EPB41L3: variants seen among roughly 807,000 people sequenced by gnomAD.
EPB41L3 encodes band 4.1-like protein 3.
EPB41L3 carries 57 observed loss-of-function variants against 127.1 expected under a neutral mutation model. The observed-to-expected ratio is 0.45, with a 90% CI of 0.36 to 0.56. EPB41L3 has a LOEUF of 0.56. Ranked by LOEUF, EPB41L3 falls within the 20% of genes least tolerant of loss-of-function variation. The pLI is 0.00. For synonymous variants in EPB41L3, 572 were observed against 549.5 expected, an observed-to-expected ratio of 1.04 and a Z score of -0.57; for missense variants, 1,273 against 1,372.2, an observed-to-expected ratio of 0.93 and a Z score of 1.14.
chr18:5,393,471 A>C lies in EPB41L3; in HGVS notation c.*14T>G. 3 of 701,810 alleles carry C rather than the reference A, an allele frequency of 4.3e-6. No individual in the cohort carries two copies. In the South Asian group the frequency reaches 4.5e-5, roughly 10 times the overall value. The allele number at this position is 701,810 out of a possible 1,614,324, so 43.5% of individuals were successfully genotyped here. ...CATGACTGCATTCATGTGCAAGCTAAGTTATTCCTGCAAAAAAGACATTTG... is the reference window on the plus strand; with the variant it reads ...CATGACTGCATTCATGTGCAAGCTACGTTATTCCTGCAAAAAAGACATTTG... On this transcript the variant is annotated 3_prime_UTR_variant, in exon 23 of 23. Transcript: ENST00000341928.
chr18:5,420,021 A>G, intron 11 of EPB41L3, 144 bp from the exon 12 acceptor site: 2 of 1,482,150 alleles, frequency 1.3e-6, no homozygotes, highest in South Asian at 2.8e-5. Flanking sequence ...TACTGAAAAA[A>G]AAAATACCAA....
chr18:5,572,517 G>T (rs1260465904), intron 3 of EPB41L3, among the ~76,000 whole-genome samples: 1 of 152,184 alleles, frequency 6.6e-6, no homozygotes, highest in Non-Finnish European at 1.5e-5. Context: ...ATGGAAGAGA[G>T]AGAAGTTGAT....
chr18:5,395,568 C>T (rs766053032), intron 20 of EPB41L3, 41 bp downstream of exon 20: 15 of 1,578,088 alleles, frequency 9.5e-6, no homozygotes, highest in Admixed American at 3.3e-5. Context: ...TCCTCCAGCT[C>T]GCTCTCAAGG....
intron 1 of EPB41L3, among the ~76,000 whole-genome samples, chr18:5,499,851 C>G (rs1362673042): frequency 3.2e-4 from 38 of 117,222 alleles, no homozygotes; most frequent in African/African-American, 1.3e-3. Context: ...ATATATATGG[C>G]ATTACAACAC....
At chr18:5,517,718 G>A (rs1246122310) in intron 1 of EPB41L3, among the ~76,000 whole-genome samples, 4 of 152,162 alleles carry the variant, frequency 2.6e-5, no homozygotes, top group Non-Finnish European at 5.9e-5. Context: ...GATTATAGGT[G>A]TGAGCCACTG....
chr18:5,533,114 G>C (rs779088262), intron 1 of EPB41L3, among the ~76,000 whole-genome samples: 18 of 151,962 alleles, frequency 1.2e-4, no homozygotes, highest in Non-Finnish European at 2.2e-4. Flanking sequence ...CTCCAAAATC[G>C]CAATTTTTGA....
chr18:5,449,695 T>C (rs1412848771), intron 3 of EPB41L3, among the ~76,000 whole-genome samples: 2 of 152,162 alleles, frequency 1.3e-5, no homozygotes, highest in Non-Finnish European at 2.9e-5. Flanking sequence ...AAATGCATAC[T>C]GCTAGGTGAA....
chr18:5,612,956 G>C (rs1018180533), intron 2 of EPB41L3, among the ~76,000 whole-genome samples: 5 of 152,130 alleles, frequency 3.3e-5, no homozygotes, highest in African/African-American at 7.2e-5. Context: ...GGCCAGGCTG[G>C]TCTCAAACTC....
intron 2 of EPB41L3, among the ~76,000 whole-genome samples, chr18:5,486,107 T>A (rs952945438): frequency 1.3e-5 from 2 of 152,030 alleles, no homozygotes; most frequent in Non-Finnish European, 2.9e-5. Context: ...AAAGCTATAA[T>A]AATCAAAACA....
At chr18:5,495,001 A>G (rs949178156) in intron 1 of EPB41L3, among the ~76,000 whole-genome samples, 5 of 152,180 alleles carry the variant, frequency 3.3e-5, no homozygotes, top group African/African-American at 1.2e-4. Context: ...AGCTAGGCCA[A>G]ACTCAGAGAC....
At chr18:5,474,431 C>T (rs1440164223) in intron 3 of EPB41L3, among the ~76,000 whole-genome samples, 2 of 152,000 alleles carry the variant, frequency 1.3e-5, no homozygotes, top group African/African-American at 2.4e-5. Context: ...CTTTCTGGGT[C>T]GATGGGTCTC....
intron 12 of EPB41L3, 112 bp downstream of exon 12, chr18:5,419,599 C>A: frequency 7.1e-7 from 1 of 1,418,044 alleles, no homozygotes; most frequent in South Asian, 1.3e-5. Flanking sequence ...GTGACCAGTG[C>A]TGACATATGA....
chr18:5,479,921 G>C (rs775511343), intron 2 of EPB41L3: 9 of 151,982 alleles, frequency 5.9e-5, no homozygotes, highest in Non-Finnish European at 1.2e-4. Context: ...AGAGAAGTTT[G>C]GTTACTTTGG....
At chr18:5,541,812 T>C (rs146653459) in intron 1 of EPB41L3, among the ~76,000 whole-genome samples, 9 of 152,344 alleles carry the variant, frequency 5.9e-5, no homozygotes, top group Non-Finnish European at 8.8e-5. Context: ...AGCTCCTGAA[T>C]CCTTCAGCTA....
At chr18:5,424,765 T>C (rs2077928890) in intron 9 of EPB41L3, among the ~76,000 whole-genome samples, 2 of 152,184 alleles carry the variant, frequency 1.3e-5, no homozygotes, top group Admixed American at 6.5e-5. Context: ...TGTTTACAAA[T>C]ATAGTCTACA....
At chr18:5,607,186 C>G (rs2094667779) in intron 3 of EPB41L3, among the ~76,000 whole-genome samples, 1 of 152,202 alleles carries the variant, frequency 6.6e-6, no homozygotes, top group Admixed American at 6.5e-5. Context: ...ATGTCGAAAG[C>G]AAGAGCGAGG....
intron 8 of EPB41L3, among the ~76,000 whole-genome samples, chr18:5,432,779 C>T (rs1205823797): frequency 6.6e-6 from 1 of 152,210 alleles, no homozygotes; most frequent in African/African-American, 2.4e-5. Flanking sequence ...TCCCAAGATA[C>T]ACCTTTAACA....
intron 16 of EPB41L3, among the ~76,000 whole-genome samples, chr18:5,403,966 A>G (rs563712927): frequency 5.3e-5 from 8 of 152,368 alleles, no homozygotes; most frequent in Admixed American, 1.3e-4. Flanking sequence ...ACACACAAAA[A>G]TAACAGAAGC....
chr18:5,621,316 G>A (rs1240265392), intron 1 of EPB41L3, among the ~76,000 whole-genome samples: 2 of 152,158 alleles, frequency 1.3e-5, no homozygotes, highest in African/African-American at 4.8e-5. Flanking sequence ...ATCTGACTAT[G>A]GTTAGAATGA....
Sources: gnomAD v4.1 joint callset for allele counts (sites outside exome capture counted in the v4.1 genomes callset) on GRCh38, gnomAD v4.1.1 for gene constraint, MANE v1.5 for transcripts, NCBI Gene and HGNC (gene_info 2026-07-23, HGNC 2026-07-21) for gene names.